Variants in CCDC73 observed in about 807,000 individuals in gnomAD.
CCDC73 encodes the protein coiled-coil domain-containing protein 73.
A neutral mutation model predicts 116.5 loss-of-function variants in CCDC73; 95 were observed. The observed-to-expected ratio is 0.82, with a 90% confidence interval of 0.69 to 0.97. The LOEUF is 0.97. Among genes scored for constraint, CCDC73 ranks in the 50% least tolerant of loss-of-function variants. The pLI is 0.00. For missense variants in CCDC73, 1,066 were observed against 1,206.8 expected (o/e 0.88, Z 1.73); for synonymous variants, 398 against 401.3 (o/e 0.99, Z 0.10).
chr11:32,760,214 T>C lies in CCDC73; in HGVS notation c.30A>G (p.Ser10=), dbSNP rs1433144470. MESNFNTES[S]STFTLQSSSE... is the part of the protein sequence containing the mutation. ...AAGAACTTTGAAGAGTAAAAGTAGA[T>C]GATGACTCAGTATTGAAGTTGCTTT... Residue 10 remains serine, a synonymous_variant, in exon 2 of 18, where the codon TCA becomes TCG. Transcript: ENST00000335185. 6 of 1,586,044 alleles carry C rather than the reference T, an allele frequency of 3.8e-6. No individual in the cohort carries two copies. The highest frequency in any genetic ancestry group is 5.2e-6 in the Non-Finnish European group (6 of 1,161,376).
intron 3 of CCDC73, among the ~76,000 whole-genome samples, chr11:32,711,540 T>C (rs1466134293): frequency 6.6e-6 from 1 of 152,108 alleles, no homozygotes; most frequent in East Asian, 1.9e-4. Context: ...ATGTTCTCAC[T>C]CACAAGAGGG....
chr11:32,820,904 C>G, the CCDC73 span, among the ~76,000 whole-genome samples: 1 of 152,080 alleles, frequency 6.6e-6, no homozygotes, highest in Non-Finnish European at 1.5e-5. Context: ...TGTGTTATAT[C>G]TGTTTTTTAA....
chr11:32,698,011 A>ATTT lies in CCDC73; in HGVS notation c.390+1237_390+1239dup, dbSNP rs869153507. The stretch of plus-strand genomic sequence containing the variant: ...CTGTTGTTTCTTTGTCTAACACTGA[A>ATTT]TTTTTTTTTTTTTTTTTTTTTTTTT... On this transcript the variant is annotated intron_variant, in intron 6 of 17. Transcript: ENST00000335185. Among the ~76,000 whole-genome samples the ATTT allele has an allele frequency of 9.7e-3, 183 of 18,826 alleles. 10 individuals carry two copies. Among genetic ancestry groups the ATTT allele is most frequent in the African/African-American group, 0.027 (143 of 5,344 alleles). The allele number at this position is 18,826 out of a possible 152,430, so 12.4% of individuals were successfully genotyped here. A position where few individuals can be genotyped will look rare whatever the true frequency, so the allele number is the denominator to read the frequency against.
Position 32,767,965 on chromosome 11 carries a change from C to T in CCDC73, c.-15-7707G>A, listed in dbSNP as rs562843315. On this transcript the variant is annotated intron_variant, in intron 1 of 17. Transcript: ENST00000335185. ...AATACCATTTGACCCAGCCATCCCA[C>T]TACTGGGTATATACCCAAAGGATTA... 3.6e-3 allele frequency among the ~76,000 whole-genome samples: 543 copies of T among 152,146 alleles called. 6 individuals are homozygous for T. Among genetic ancestry groups the T allele is most frequent in the African/African-American group, 0.013 (521 of 41,458 alleles).
At chr11:32,624,724 C>T (rs1423235663) in intron 14 of CCDC73, among the ~76,000 whole-genome samples, 3 of 152,266 alleles carry the variant, frequency 2.0e-5, no homozygotes, top group South Asian at 2.1e-4. Context: ...TACGTGCACA[C>T]GTATGTTTGT....
At chr11:32,742,144 C>T (rs972017888) in intron 2 of CCDC73, among the ~76,000 whole-genome samples, 3 of 152,236 alleles carry the variant, frequency 2.0e-5, no homozygotes, top group South Asian at 4.2e-4. Flanking sequence ...TTTACAGCAG[C>T]ATGATTTATA....
At chr11:32,695,132 G>A (rs1856297317) in intron 6 of CCDC73, among the ~76,000 whole-genome samples, 1 of 152,202 alleles carries the variant, frequency 6.6e-6, no homozygotes, top group Non-Finnish European at 1.5e-5. Flanking sequence ...ACTTTGGGAA[G>A]CCAAGGTGGG....
chr11:32,696,078 G>C (rs1302207149), intron 6 of CCDC73, among the ~76,000 whole-genome samples: 5 of 152,042 alleles, frequency 3.3e-5, no homozygotes, highest in African/African-American at 9.7e-5. Context: ...ACTTCAAATA[G>C]TAAACTTGGA....
intron 2 of CCDC73, among the ~76,000 whole-genome samples, chr11:32,746,525 T>C (rs1037947271): frequency 1.3e-5 from 2 of 152,194 alleles, no homozygotes; most frequent in African/African-American, 2.4e-5. Flanking sequence ...GAGTGTTTTC[T>C]AACTTGTTTC....
At chr11:32,746,398 T>C (rs181769878) in intron 2 of CCDC73, among the ~76,000 whole-genome samples, 49 of 152,334 alleles carry the variant, frequency 3.2e-4, no homozygotes, top group African/African-American at 1.0e-3. Context: ...TTGACAGTTA[T>C]GTGTCTTGGG....
intron 1 of CCDC73, among the ~76,000 whole-genome samples, chr11:32,780,076 C>T (rs1460986842): frequency 5.9e-5 from 9 of 152,020 alleles, no homozygotes; most frequent in East Asian, 3.9e-4. Flanking sequence ...GAGTTCGAAA[C>T]GAACCTGGTC....
At chr11:32,648,452 G>T (rs546277957) in intron 12 of CCDC73, among the ~76,000 whole-genome samples, 16 of 152,256 alleles carry the variant, frequency 1.1e-4, no homozygotes, top group African/African-American at 3.6e-4. Flanking sequence ...TCATCTTTCA[G>T]TCATTAAGAA....
chr11:32,796,818 T>A (rs1188359690), upstream of CCDC73, among the ~76,000 whole-genome samples: 1 of 152,092 alleles, frequency 6.6e-6, no homozygotes, highest in Non-Finnish European at 1.5e-5. Flanking sequence ...GAGACCAGCC[T>A]GGCCAACATA....
chr11:32,810,368 C>G, the CCDC73 span, among the ~76,000 whole-genome samples: 1 of 152,168 alleles, frequency 6.6e-6, no homozygotes, highest in East Asian at 1.9e-4. Flanking sequence ...GACTCTCTAA[C>G]TCATTGGAAT....
intron 7 of CCDC73, 30 bp from the exon 8 acceptor site, chr11:32,676,051 A>G (rs1856085303): frequency 6.5e-7 from 1 of 1,543,560 alleles, no homozygotes. Context: ...TAAATGTTAT[A>G]CATATAACAC....
intron 14 of CCDC73, 136 bp from the exon 15 acceptor site, chr11:32,616,265 TAGTA>T: frequency 1.1e-6 from 1 of 893,064 alleles, no homozygotes; most frequent in Non-Finnish European, 1.6e-6. Flanking sequence ...AATGATTTTT[TAGTA>T]AGTTTAATAT....
intron 1 of CCDC73, among the ~76,000 whole-genome samples, chr11:32,777,649 C>G (rs1324923320): frequency 3.9e-5 from 6 of 151,916 alleles, no homozygotes; most frequent in Non-Finnish European, 7.4e-5. Flanking sequence ...ACTATTGAGA[C>G]TTTTTAGAAG....
chr11:32,643,974 A>G, intron 12 of CCDC73, among the ~76,000 whole-genome samples: 1 of 152,076 alleles, frequency 6.6e-6, no homozygotes, highest in East Asian at 1.9e-4. Flanking sequence ...TCCTTATTCT[A>G]TAAGCTTTCT....
chr11:32,658,901 C>T (rs1181915329), intron 9 of CCDC73, among the ~76,000 whole-genome samples: 1 of 151,786 alleles, frequency 6.6e-6, no homozygotes, highest in African/African-American at 2.4e-5. Context: ...CCATGAAATG[C>T]GAAAGGAAGA....
Sources: allele counts gnomAD v4.1 joint callset (sites outside exome capture counted in the v4.1 genomes callset), GRCh38; gene constraint gnomAD v4.1.1; transcripts MANE v1.5; gene names NCBI Gene and HGNC (gene_info 2026-07-23, HGNC 2026-07-21).